Variants in NCOR2 observed in about 807,000 individuals in gnomAD.
NCOR2 encodes the protein CTG repeat protein 26.
In NCOR2, 81 loss-of-function variants were observed where a neutral mutation model predicts 262.9. The observed-to-expected ratio is 0.31, with a 90% CI of 0.26 to 0.37. NCOR2 has a LOEUF of 0.37. Among genes scored for constraint, NCOR2 ranks in the 10% least tolerant of loss-of-function variants. The pLI is 1.00. For missense variants in NCOR2, 3,385 were observed against 3,621.4 expected (o/e 0.93, Z 1.68); for synonymous variants, 1,659 against 1,559.3 (o/e 1.06, Z -1.51).
intron 13 of NCOR2, among the ~76,000 whole-genome samples, chr12:124,414,597 C>G (rs1023568167): frequency 6.6e-6 from 1 of 152,162 alleles, no homozygotes; most frequent in African/African-American, 2.4e-5. Context: ...ACTAGAGGGC[C>G]CAGGAAGGGA....
intron 1 of NCOR2, among the ~76,000 whole-genome samples, chr12:124,491,343 C>G (rs1036597624): frequency 2.0e-5 from 3 of 152,270 alleles, no homozygotes; most frequent in African/African-American, 7.2e-5. Flanking sequence ...CACCTACCAA[C>G]TAATTGGATC....
In NCOR2 at chr12:124,378,684, A is replaced by G. The variant is rs1205810006; in HGVS notation, c.2020-300T>C. Among the ~76,000 whole-genome samples, 1 of 152,178 alleles carries G rather than the reference A, an allele frequency of 6.6e-6. No homozygotes were observed. Among genetic ancestry groups the G allele is most frequent in the East Asian group, 1.9e-4 (1 of 5,182 alleles). ...GCCTGACATTGCCCAGGAGTCTCCT[A>G]GTCAGAGCGAGTGACCACGCCTCCT... On this transcript the variant is annotated intron_variant, in intron 17 of 46. Coordinates refer to ENST00000405201, the Ensembl canonical transcript of NCOR2. The surrounding 1 kb of genome is among the most constrained non-coding windows in gnomAD (Gnocchi z 4.2).
upstream of NCOR2, among the ~76,000 whole-genome samples, chr12:124,540,282 G>A (rs1213405790): frequency 1.3e-5 from 2 of 149,878 alleles, no homozygotes; most frequent in Admixed American, 6.6e-5. Flanking sequence ...CAAGCACAGA[G>A]GGCCGAGGAA....
intron 20 of NCOR2, among the ~76,000 whole-genome samples, chr12:124,367,620 GTTTTA>G (rs1322364972): frequency 2.0e-5 from 3 of 151,864 alleles, no homozygotes; most frequent in African/African-American, 7.3e-5. Context: ...TCCCTTCTTT[GTTTTA>G]TTTTATTTAT....
chr12:124,337,041 C>A (rs771756757), exon 38 of NCOR2: 16 of 1,497,424 alleles, frequency 1.1e-5, no homozygotes, highest in Admixed American at 2.4e-5. Flanking sequence ...TCTGGCCGGG[C>A]GACCCGGGGG....
In NCOR2 at chr12:124,326,241, C is replaced by T. The variant is rs375097070; in HGVS notation, c.7313G>A (p.Arg2438His). 4.5e-6 allele frequency: 7 copies of T among 1,546,570 alleles called. No individual in the cohort carries two copies. Among genetic ancestry groups the T allele is most frequent in the South Asian group, 2.4e-5 (2 of 84,316 alleles). Residue 2438 changes from arginine to histidine, a missense_variant, in exon 46 of 47, where the codon CGC becomes CAC. Around this residue, in one of 5 missense-constraint regions of NCOR2, gnomAD observed 1,017 missense variants for 967.2 expected, o/e 1.05. Coordinates refer to ENST00000405201, the Ensembl canonical transcript of NCOR2. ...CACGCGGTTGGTGAGCGGCGTCCGGCGGTTGCAGTCTCCCTCCGAGTGCAC... is the reference window on the plus strand; with the variant it reads ...CACGCGGTTGGTGAGCGGCGTCCGGTGGTTGCAGTCTCCCTCCGAGTGCAC...
chr12:124,326,880 G>A (rs998666449), intron 45 of NCOR2, among the ~76,000 whole-genome samples: 2 of 152,172 alleles, frequency 1.3e-5, no homozygotes, highest in Admixed American at 6.5e-5. Context: ...CGATACAGAG[G>A]GTATTGATGG....
chr12:124,340,537 G>C, intron 35 of NCOR2, 65 bp downstream of exon 37: 1 of 1,539,752 alleles, frequency 6.5e-7, no homozygotes, highest in Non-Finnish European at 8.7e-7. Flanking sequence ...GCTTCTGCCC[G>C]CCCATCCCCC....
In NCOR2 at chr12:124,454,135, G is replaced by A. The variant is rs990541358; in HGVS notation, c.762+2971C>T. ...CACTCGGGCCTGGCAGATCTGTGCA[G>A]AACTGGCCGGCCGCTCTCCCAGGGG... On this transcript the variant is annotated intron_variant, in intron 6 of 46. Coordinates refer to ENST00000405201, the Ensembl canonical transcript of NCOR2. The surrounding 1 kb of genome is among the most constrained non-coding windows in gnomAD (Gnocchi z 5.6). Among the ~76,000 whole-genome samples, 5 of 152,198 alleles carry A rather than the reference G, an allele frequency of 3.3e-5. No homozygotes were observed. Among genetic ancestry groups the A allele is most frequent in the Admixed American group, 2.6e-4 (4 of 15,284 alleles).
At chr12:124,535,657 A>G (rs1043926487), upstream of NCOR2, 1 of 152,248 alleles carries the variant, frequency 6.6e-6, no homozygotes, top group African/African-American at 2.4e-5. Flanking sequence ...GCATGTATGC[A>G]GTTTGGCATG....
intron 14 of NCOR2, among the ~76,000 whole-genome samples, chr12:124,401,057 G>C (rs550397183): frequency 4.1e-4 from 63 of 152,184 alleles, no homozygotes; most frequent in Non-Finnish European, 8.2e-4. Flanking sequence ...AAAAAGATCA[G>C]AAAATTAGCC....
chr12:124,449,972 G>C, intron 6 of NCOR2, 105 bp from the exon 9 acceptor site: 1 of 1,186,638 alleles, frequency 8.4e-7, no homozygotes. Flanking sequence ...CTGTCCTCTG[G>C]GTGAGGGCTC....
chr12:124,392,085 C>T (rs2041346284), intron 16 of NCOR2, among the ~76,000 whole-genome samples: 1 of 152,216 alleles, frequency 6.6e-6, no homozygotes, highest in Non-Finnish European at 1.5e-5. Flanking sequence ...TGTTCGTGAG[C>T]ACCAGCCACG....
At chr12:124,521,988 G>A (rs1018457202) in intron 1 of NCOR2, among the ~76,000 whole-genome samples, 8 of 152,172 alleles carry the variant, frequency 5.3e-5, no homozygotes, top group Admixed American at 3.9e-4. Context: ...CTGCACTCCA[G>A]CCTGGGCAAC....
chr12:124,330,407 A>G (rs971923439), intron 44 of NCOR2, among the ~76,000 whole-genome samples: 3 of 152,258 alleles, frequency 2.0e-5, no homozygotes, highest in Non-Finnish European at 4.4e-5. Context: ...ATCTTGAAAG[A>G]AAAAGTAAGG....
At chr12:124,402,287 C>T (rs889924640) in intron 14 of NCOR2, 117 bp downstream of exon 16, 1 of 1,541,098 alleles carries the variant, frequency 6.5e-7, no homozygotes, top group Admixed American at 1.8e-5. Flanking sequence ...GCCCTCCCCC[C>T]TGCTCACAGG....
rs2052261744 is a variant in NCOR2 at position 124,566,932 on chromosome 12, G to GC, written c.-165+375dup. Among the ~76,000 whole-genome samples the GC allele has an allele frequency of 6.6e-6, 1 of 152,200 alleles. No homozygotes were observed. Among genetic ancestry groups the GC allele is most frequent in the Non-Finnish European group, 1.5e-5 (1 of 68,018 alleles). ...CCGATGGAAAATAAGGCGCAGTGTC[G>GC]CCCCGCCAGGTCCGGGGCTACACCG... On this transcript the variant is annotated intron_variant, in intron 1 of 32. Coordinates refer to the NCOR2 transcript ENST00000458234. This position sits in a 1 kb window ranked among gnomAD's most constrained non-coding sequence, Gnocchi z 4.3.
intron 13 of NCOR2, among the ~76,000 whole-genome samples, chr12:124,407,399 G>A (rs1238098963): frequency 6.6e-6 from 1 of 152,246 alleles, no homozygotes; most frequent in Non-Finnish European, 1.5e-5. Flanking sequence ...TGGGAAAATG[G>A]CCCCTGTGCC....
intron 18 of NCOR2, among the ~76,000 whole-genome samples, chr12:124,377,761 C>T (rs1289692369): frequency 6.6e-6 from 1 of 151,866 alleles, no homozygotes; most frequent in African/African-American, 2.4e-5. Context: ...ATTGCTTGAA[C>T]CCGAGAGGCA....
Sources: allele counts gnomAD v4.1 joint callset (sites outside exome capture counted in the v4.1 genomes callset), GRCh38; gene constraint gnomAD v4.1.1; regional missense constraint gnomAD v4.1.1; non-coding constraint Gnocchi (gnomAD v3.1); transcripts MANE v1.5; gene names NCBI Gene and HGNC (gene_info 2026-07-23, HGNC 2026-07-21).